The following ARHGAP19 variants were observed in gnomAD, a reference collection of about 807,000 sequenced individuals.
ARHGAP19 encodes Rho GTPase activating protein 19.
ARHGAP19 carries 48 observed loss-of-function variants against 60.9 expected under a neutral mutation model. The ratio of observed to expected loss-of-function variants is 0.79; its 90% CI spans 0.62 to 1.00. ARHGAP19 has a LOEUF of 1.00. ARHGAP19 is among the 50% of genes least tolerant of loss of function. ARHGAP19 has a pLI of 0.00. For synonymous variants in ARHGAP19, 209 were observed against 215.5 expected (o/e 0.97, Z 0.27); for missense variants, 562 against 597.2 (o/e 0.94, Z 0.61).
intron 4 of ARHGAP19, among the ~76,000 whole-genome samples, chr10:97,261,583 T>C (rs1052116281): frequency 3.3e-5 from 5 of 152,096 alleles, no homozygotes; most frequent in African/African-American, 2.4e-5. Context: ...TAAAATTGTA[T>C]AACATTCTAG....
rs1850863608 is a variant in ARHGAP19 at position 97,224,709 on chromosome 10, C to T, written c.*1413G>A. ...CCATAGTGGCCTGACTCGGCTCCAACCCACAGGGTGAGAAGGGTTGTACAG... is the reference window on the plus strand; with the variant it reads ...CCATAGTGGCCTGACTCGGCTCCAATCCACAGGGTGAGAAGGGTTGTACAG... On this transcript the variant is annotated 3_prime_UTR_variant, in exon 12 of 12. Transcript: ENST00000358531. The T allele has an allele frequency of 6.6e-6, 1 of 152,252 alleles. No individual in the cohort carries two copies. The highest frequency in any genetic ancestry group is 1.9e-4 in the East Asian group (1 of 5,196). The allele number at this position is 152,252 out of a possible 1,614,324, so 9.4% of individuals were successfully genotyped here.
At chr10:97,256,788 G>C (rs1008464637) in intron 5 of ARHGAP19, among the ~76,000 whole-genome samples, 1 of 152,086 alleles carries the variant, frequency 6.6e-6, no homozygotes. Context: ...AAAAAAGAAT[G>C]GTCACTACTG....
intron 11 of ARHGAP19, among the ~76,000 whole-genome samples, chr10:97,227,837 C>A (rs1199518893): frequency 6.6e-6 from 1 of 152,354 alleles, no homozygotes; most frequent in East Asian, 1.9e-4. Flanking sequence ...ACAATCCCTG[C>A]TCTAAAGCTT....
Position 97,264,949 on chromosome 10 carries a change from T to C in ARHGAP19, c.323-43A>G, listed in dbSNP as rs375662035. ...ATGACAGGGCTATATTTCACACAAATAGTACAAAATCATCATACCTAAAAC... is the reference window on the plus strand; with the variant it reads ...ATGACAGGGCTATATTTCACACAAACAGTACAAAATCATCATACCTAAAAC... On this transcript the variant is annotated intron_variant, in intron 2 of 11. Coordinates refer to ENST00000358531, the MANE Select transcript of ARHGAP19 (RefSeq NM_032900.6). 6 of 1,441,560 alleles carry C rather than the reference T, an allele frequency of 4.2e-6. No homozygotes were observed. The African/African-American group carries it at 7.0e-5, about 17-fold the overall frequency. The allele number at this position is 1,441,560 out of a possible 1,614,324, so 89.3% of individuals were successfully genotyped here. A position where few individuals can be genotyped will look rare whatever the true frequency, so the allele number is the denominator to read the frequency against.
At chr10:97,284,104 C>T (rs1843122885) in intron 1 of ARHGAP19, among the ~76,000 whole-genome samples, 1 of 151,798 alleles carries the variant, frequency 6.6e-6, no homozygotes, top group Admixed American at 6.6e-5. Flanking sequence ...TAGCTTTTTT[C>T]TCTTATTTTT....
At chr10:97,239,611 T>C (rs1046380298) in intron 8 of ARHGAP19, among the ~76,000 whole-genome samples, 6 of 145,262 alleles carry the variant, frequency 4.1e-5, no homozygotes, top group Non-Finnish European at 9.0e-5. Context: ...TGTCTAAATG[T>C]AGTGTGGCAC....
At chr10:97,256,640 G>C in intron 5 of ARHGAP19, 1 of 356,162 alleles carries the variant, frequency 2.8e-6, no homozygotes, top group Non-Finnish European at 5.0e-6. Context: ...TCCTAATTCT[G>C]CTTGAAAATT....
chr10:97,242,928 G>A (rs1842511315), intron 8 of ARHGAP19, among the ~76,000 whole-genome samples: 1 of 152,186 alleles, frequency 6.6e-6, no homozygotes, highest in Non-Finnish European at 1.5e-5. Flanking sequence ...GGGATTACAG[G>A]TGTGAGCCAC....
At chr10:97,251,732 A>G (rs1212496327) in intron 6 of ARHGAP19, among the ~76,000 whole-genome samples, 4 of 7,830 alleles carry the variant, frequency 5.1e-4, no homozygotes, top group East Asian at 5.6e-3. Context: ...AAGGGGAAGG[A>G]AAGGGAAGGG....
At chr10:97,270,614 T>C in intron 1 of ARHGAP19, 1 of 1,548,576 alleles carries the variant, frequency 6.5e-7, no homozygotes, top group East Asian at 2.4e-5. Flanking sequence ...ACATAAGTGC[T>C]GAAAGTTTCT....
chr10:97,227,303 G>A (rs562415893), intron 11 of ARHGAP19, among the ~76,000 whole-genome samples: 1 of 152,194 alleles, frequency 6.6e-6, no homozygotes, highest in African/African-American at 2.4e-5. Flanking sequence ...GGATCTGTGG[G>A]CTTGGAGACT....
chr10:97,229,938 T>C, intron 9 of ARHGAP19, 64 bp from the exon 10 acceptor site: 1 of 1,192,116 alleles, frequency 8.4e-7, no homozygotes, highest in Non-Finnish European at 1.2e-6. Flanking sequence ...GGAGCTATAC[T>C]AGCCTTCAAA....
chr10:97,270,662 CT>C, intron 1 of ARHGAP19: 1 of 1,546,964 alleles, frequency 6.5e-7, no homozygotes, highest in Non-Finnish European at 8.7e-7. Context: ...AGGAAGAAAG[CT>C]TTCCCCTTGT....
chr10:97,262,584 G>C (rs898731529), intron 4 of ARHGAP19, among the ~76,000 whole-genome samples: 1 of 152,166 alleles, frequency 6.6e-6, no homozygotes, highest in Admixed American at 6.5e-5. Context: ...AGAATCACTT[G>C]AACCCGGGAG....
chr10:97,226,206 C>T, intron 11 of ARHGAP19, 74 bp from the exon 12 acceptor site: 1 of 1,434,556 alleles, frequency 7.0e-7, no homozygotes, highest in Non-Finnish European at 9.7e-7. Context: ...CACTCAAAAG[C>T]TACAGGGTCT....
At chr10:97,240,934 T>G (rs1254737798) in intron 8 of ARHGAP19, among the ~76,000 whole-genome samples, 1 of 152,222 alleles carries the variant, frequency 6.6e-6, no homozygotes, top group Non-Finnish European at 1.5e-5. Flanking sequence ...CTTTACACAC[T>G]TCTGCGGGTT....
chr10:97,259,474 T>A lies in ARHGAP19; in HGVS notation c.768A>T (p.Lys256Asn). The A allele has an allele frequency of 6.2e-7, 1 of 1,614,212 alleles. No individual in the cohort carries two copies. Among genetic ancestry groups the A allele is most frequent in the Non-Finnish European group, 8.5e-7 (1 of 1,180,042 alleles). The change falls in exon 5 of 12, where the codon AAA becomes AAT. Residue 256 changes from lysine to asparagine, a missense_variant. Transcript: ENST00000358531. Reference protein sequence around the residue: ...LLDLLYQTAKKQDKNKMSAYN... With the variant: ...LLDLLYQTAKNQDKNKMSAYN... ...AGGCTGACATCTTGTTCTTGTCTTG[T>A]TTCTTTGCTGTCTGGTATAGGAGAT...
chr10:97,273,206 A>AG (rs1214587801), intron 1 of ARHGAP19, among the ~76,000 whole-genome samples: 1 of 151,162 alleles, frequency 6.6e-6, no homozygotes, highest in Non-Finnish European at 1.5e-5. Flanking sequence ...TCTGTTTTCC[A>AG]GGCCGGAGTG....
intron 8 of ARHGAP19, among the ~76,000 whole-genome samples, chr10:97,239,551 G>GTGTGTGTGTGT (rs1842440252): frequency 1.5e-4 from 3 of 20,290 alleles, no homozygotes; most frequent in African/African-American, 2.1e-4. Context: ...AGAGAGAGAG[G>GTGTGTGTGTGT]GTGTGTGTGT....
Sources: gnomAD v4.1 joint callset for allele counts (sites outside exome capture counted in the v4.1 genomes callset) on GRCh38, gnomAD v4.1.1 for gene constraint, MANE v1.5 for transcripts, NCBI Gene and HGNC (gene_info 2026-07-23, HGNC 2026-07-21) for gene names.